YIF1B: variants seen among roughly 807,000 people sequenced by gnomAD.
YIF1B encodes Yip1 interacting factor homolog B, membrane trafficking protein.
In YIF1B, 24 loss-of-function variants were observed where a neutral mutation model predicts 34.6. That is an observed-to-expected ratio of 0.69 (90% confidence interval 0.50 to 0.98). The LOEUF (loss-of-function observed/expected upper bound fraction) is 0.98, where lower values mean the gene tolerates loss of function less well. YIF1B is among the 50% of genes least tolerant of loss of function. The pLI is 0.00. For synonymous variants in YIF1B, 186 were observed against 184.8 expected, an observed-to-expected ratio of 1.01 and a Z score of -0.05; for missense variants, 368 against 429.4, an observed-to-expected ratio of 0.86 and a Z score of 1.26.
intron 1 of YIF1B, chr19:38,310,001 C>T: frequency 2.3e-6 from 1 of 428,266 alleles, no homozygotes; most frequent in Non-Finnish European, 3.9e-6. Flanking sequence ...TCCAGCCATC[C>T]ATCCACCCAC....
intron 1 of YIF1B, among the ~76,000 whole-genome samples, chr19:38,314,984 T>C (rs578212027): frequency 1.3e-4 from 19 of 151,318 alleles, no homozygotes; most frequent in African/African-American, 4.4e-4. Flanking sequence ...CCATGCCGGG[T>C]GCGGTGGCTC....
At chr19:38,315,016 TG>T (rs1280807815) in intron 1 of YIF1B, among the ~76,000 whole-genome samples, 1 of 151,966 alleles carries the variant, frequency 6.6e-6, no homozygotes, top group African/African-American at 2.4e-5. Flanking sequence ...CCCAGCACTT[TG>T]GGAGGCCTAG....
At chr19:38,317,020 G>A (rs1278530720), upstream of YIF1B, 1 of 152,228 alleles carries the variant, frequency 6.6e-6, no homozygotes, top group Admixed American at 6.5e-5. Flanking sequence ...GAAGAACCAG[G>A]TGTCTCTCTT....
Position 38,305,440 on chromosome 19 carries a change from C to A in YIF1B, c.857G>T (p.Arg286Leu). 3.7e-6 allele frequency: 6 copies of A among 1,610,228 alleles called. No homozygotes were observed. The highest frequency in any genetic ancestry group is 4.2e-6 in the Non-Finnish European group (5 of 1,178,188). Residue 286 changes from arginine to leucine, a missense_variant, in exon 8 of 8, where the codon CGG becomes CTG. This residue lies in a region of YIF1B where 208 missense variants were observed against 247.8 expected (regional missense o/e 0.84). Transcript: ENST00000339413. ...GGTCAGGTACATGCGCAGCTGGTTC[C>A]GGGCCCCACGCACCGGGACCCCCTC... is the stretch of plus-strand genomic sequence containing the variant. The part of the protein sequence containing the change: ...AAEGVPVRGA[R>L]NQLRMYLTMA...
chr19:38,315,890 C>A lies in YIF1B; in HGVS notation c.28G>T (p.Ala10Ser). Residue 10 changes from alanine to serine, a missense_variant, in exon 1 of 8, where the codon GCT (alanine) becomes TCT (serine). Coordinates refer to ENST00000339413, the MANE Select transcript of YIF1B (RefSeq NM_001039672.3). The stretch of plus-strand genomic sequence containing the variant: ...TTACGCAGCCGGGGCGTCCCCGCAG[C>A]CGCCGCCGCCAAGCCTGCCGGGTGC... MHPAGLAAA[A>S]AGTPRLRKWP... 1 of 1,480,122 alleles carries A rather than the reference C, an allele frequency of 6.8e-7. No individual in the cohort carries two copies. The highest frequency in any genetic ancestry group is 8.9e-7 in the Non-Finnish European group (1 of 1,123,632). 91.7% of individuals were successfully genotyped at this position (1,480,122 alleles called of 1,614,324 possible). A position where few individuals can be genotyped will look rare whatever the true frequency, so the allele number is the denominator to read the frequency against.
intron 1 of YIF1B, among the ~76,000 whole-genome samples, chr19:38,315,257 A>G (rs758227461): frequency 1.3e-5 from 2 of 151,964 alleles, no homozygotes; most frequent in Admixed American, 1.3e-4. Context: ...AAAAAAAAAA[A>G]AAAAGAAAAA....
At chr19:38,320,173 G>A, upstream of YIF1B, 5 of 1,599,548 alleles carry the variant, frequency 3.1e-6, no homozygotes, top group Non-Finnish European at 4.2e-6. Flanking sequence ...GCTGGGGCGG[G>A]TCGTGCTTGC....
chr19:38,304,434 C>T lies in YIF1B; in HGVS notation c.*918G>A, dbSNP rs1320654604. ...GGCGGGCCACGGGGGAGATCCCAAG[C>T]TCAGTCCCCACAAAGTTCAGGGCCG... is the stretch of plus-strand genomic sequence containing the variant. On this transcript the variant is annotated 3_prime_UTR_variant, in exon 8 of 8. Transcript: ENST00000339413. 6.4e-7 allele frequency: 1 copy of T among 1,560,000 alleles called. No individual in the cohort carries two copies. The highest frequency in any genetic ancestry group is 1.2e-5 in the South Asian group (1 of 85,136).
intron 1 of YIF1B, among the ~76,000 whole-genome samples, chr19:38,311,407 G>A (rs1212687479): frequency 6.6e-6 from 1 of 152,200 alleles, no homozygotes; most frequent in Non-Finnish European, 1.5e-5. Context: ...GTGAGTGGCA[G>A]AGCAGGAGTC....
chr19:38,314,971 C>T (rs2145025700), intron 1 of YIF1B, among the ~76,000 whole-genome samples: 1 of 152,084 alleles, frequency 6.6e-6, no homozygotes, highest in East Asian at 1.9e-4. Flanking sequence ...GAATTATCCT[C>T]TTCCATGCCG....
chr19:38,317,648 C>T (rs1162583655), upstream of YIF1B, among the ~76,000 whole-genome samples: 2 of 151,880 alleles, frequency 1.3e-5, no homozygotes, highest in African/African-American at 2.4e-5. Flanking sequence ...GATGCGATCT[C>T]GGCTCACTGC....
At chr19:38,315,560 C>A (rs1269845249) in intron 1 of YIF1B, 3 of 1,469,044 alleles carry the variant, frequency 2.0e-6, no homozygotes, top group Non-Finnish European at 2.7e-6. Flanking sequence ...CAGGCGGGTA[C>A]TGGGGAGCCA....
At chr19:38,306,179 C>T (rs1329435565) in intron 7 of YIF1B, among the ~76,000 whole-genome samples, 16 of 141,732 alleles carry the variant, frequency 1.1e-4, no homozygotes, top group Non-Finnish European at 1.5e-5. Flanking sequence ...ACTCCAGCTT[C>T]CCGACAGAGC....
chr19:38,313,418 C>G (rs1301907716), intron 1 of YIF1B, among the ~76,000 whole-genome samples: 4 of 151,970 alleles, frequency 2.6e-5, no homozygotes, highest in Non-Finnish European at 5.9e-5. Context: ...ACCACCACGC[C>G]CGGCTAATTT....
chr19:38,319,003 C>A (rs80171403), upstream of YIF1B, among the ~76,000 whole-genome samples: 3,262 of 152,244 alleles, frequency 0.021, 70 homozygotes, highest in East Asian at 0.096. Context: ...TCTTGACCTC[C>A]CTAGGCAGGG....
rs1968875678 is a variant in YIF1B at position 38,304,088 on chromosome 19, A to T, written c.*1264T>A. 1 of 787,280 alleles carries T rather than the reference A, an allele frequency of 1.3e-6. No individual in the cohort carries two copies. The highest frequency in any genetic ancestry group is 2.0e-6 in the Non-Finnish European group (1 of 504,502). 48.8% of individuals were successfully genotyped at this position (787,280 alleles called of 1,614,324 possible). On this transcript the variant is annotated 3_prime_UTR_variant, in exon 8 of 8. Transcript: ENST00000339413. ...CCTGTCCATCTCCCCCACTTCTCAC[A>T]GAGGAAATCCTGGGTGGTGCCGGGC...
upstream of YIF1B, chr19:38,320,168 G>C (rs1470845904): frequency 5.6e-6 from 9 of 1,598,428 alleles, no homozygotes; most frequent in Non-Finnish European, 7.6e-6. Flanking sequence ...GGACGGCTGG[G>C]GCGGGTCGTG....
rs76304131 is a variant in YIF1B at position 38,307,768 on chromosome 19, C to T, written c.540-16G>A. 3,820 of 1,610,936 alleles carry T rather than the reference C, an allele frequency of 2.4e-3. 93 individuals are homozygous for T. In the East Asian group the frequency reaches 0.06, roughly 25 times the overall value. ...TGGGGAGAACCTGCAGGCACAAAGC[C>T]CCGCCACTTGGTTGGCTGGTTCAGA... On this transcript the variant is annotated splice_polypyrimidine_tract_variant and intron_variant, in intron 5 of 7. Transcript: ENST00000339413.
chr19:38,309,160 C>G (rs1969199163), intron 3 of YIF1B, 64 bp downstream of exon 3: 2 of 1,592,540 alleles, frequency 1.3e-6, no homozygotes, highest in Admixed American at 3.4e-5. Context: ...CACCATGCAC[C>G]TGCCCCCACC....
Sources: gnomAD v4.1 joint callset for allele counts (sites outside exome capture counted in the v4.1 genomes callset) on GRCh38, gnomAD v4.1.1 for gene constraint, gnomAD v4.1.1 regional missense constraint, MANE v1.5 for transcripts, NCBI Gene and HGNC (gene_info 2026-07-23, HGNC 2026-07-21) for gene names.